The following FILIP1L variants were observed in gnomAD, a reference collection of about 807,000 sequenced individuals.
FILIP1L encodes filamin A-interacting protein 1-like.
A neutral mutation model predicts 96.6 loss-of-function variants in FILIP1L; 55 were observed. That is an observed-to-expected ratio of 0.57 (90% CI 0.46 to 0.71). FILIP1L has a LOEUF of 0.71. FILIP1L is among the 30% of genes least tolerant of loss of function. The pLI, the probability that FILIP1L is intolerant of heterozygous loss-of-function variation, is 0.00. For synonymous variants in FILIP1L, 467 were observed against 473.9 expected (o/e 0.99, Z 0.19); for missense variants, 1,304 against 1,321.2 (o/e 0.99, Z 0.20).
At chr3:99,924,507 G>A (rs1338739886) in intron 3 of FILIP1L, 99 bp from the exon 4 acceptor site, 5 of 1,221,874 alleles carry the variant, frequency 4.1e-6, no homozygotes, top group Non-Finnish European at 1.2e-6. Context: ...TTCGGCAGTG[G>A]GTTTTTTTGG....
intron 1 of FILIP1L, among the ~76,000 whole-genome samples, chr3:99,990,142 T>C (rs1709470628): frequency 6.6e-6 from 1 of 152,220 alleles, no homozygotes; most frequent in Non-Finnish European, 1.5e-5. Context: ...TGCCAGATAC[T>C]GCCTATGCTC....
chr3:99,849,435 T>C lies in FILIP1L; in HGVS notation c.2241A>G (p.Gln747=). The C allele has an allele frequency of 6.2e-7, 1 of 1,614,160 alleles. No individual in the cohort carries two copies. Among genetic ancestry groups the C allele is most frequent in the Non-Finnish European group, 8.5e-7 (1 of 1,180,020 alleles). Residue 747 remains glutamine (Q), a synonymous_variant, in exon 5 of 6, where the codon CAA becomes CAG. Transcript: ENST00000477258. ...TGTTTTCTTGTTGATTTAGTTTTTT[T>C]TGCAGGACTGAGTGATCTCCCTGGA... ...CHLQGDHSVL[Q]KKLNQQENRN...
chr3:100,109,525 T>C (rs1345529872), intron 1 of FILIP1L, among the ~76,000 whole-genome samples: 1 of 152,170 alleles, frequency 6.6e-6, no homozygotes, highest in African/African-American at 2.4e-5. Flanking sequence ...ATGTGTTTTC[T>C]GTCCCTATAG....
Position 99,920,345 on chromosome 3 carries a change from T to C in FILIP1L, c.605+3885A>G, listed in dbSNP as rs375169021. Among the ~76,000 whole-genome samples, 4 of 152,270 alleles carry C rather than the reference T, an allele frequency of 2.6e-5. No individual in the cohort carries two copies. In the East Asian group the frequency reaches 5.8e-4, roughly 22 times the overall value. On this transcript the variant is annotated intron_variant, in intron 4 of 5. Coordinates refer to ENST00000477258, the MANE Select transcript of FILIP1L (RefSeq NM_001387850.1). ...GCTTTTTTGAAAGTACAGACAAAAT[T>C]GGCATTTCACTTATGGGAAAATTTT... is the stretch of plus-strand genomic sequence containing the variant.
chr3:100,011,107 T>G (rs1233593267), intron 1 of FILIP1L, among the ~76,000 whole-genome samples: 3 of 152,170 alleles, frequency 2.0e-5, no homozygotes, highest in African/African-American at 7.2e-5. Context: ...CTTCTGATAT[T>G]AAGCACGACA....
At position 99,993,688 on chromosome 3, in the gene FILIP1L, G is replaced by A. The variant is rs117511807; in HGVS notation, c.-10-62658C>T. On this transcript the variant is annotated intron_variant, in intron 1 of 5. Coordinates refer to ENST00000477258, the MANE Select transcript of FILIP1L (RefSeq NM_001387850.1). The stretch of plus-strand genomic sequence containing the variant: ...TTTGTTGAGGATTTTTATCATAAAA[G>A]GATGCTGAATTTTATCAAATGCTTT... Among the ~76,000 whole-genome samples, 79 of 152,232 alleles carry A rather than the reference G, an allele frequency of 5.2e-4. 3 individuals are homozygous for A. In the East Asian group the frequency reaches 0.015, roughly 29 times the overall value.
chr3:99,956,915 C>T (rs1708336593), intron 1 of FILIP1L, among the ~76,000 whole-genome samples: 1 of 152,164 alleles, frequency 6.6e-6, no homozygotes, highest in Non-Finnish European at 1.5e-5. Flanking sequence ...TCTGCCCTCA[C>T]CAATGGCTTC....
intron 4 of FILIP1L, among the ~76,000 whole-genome samples, chr3:99,869,651 C>T (rs750139481): frequency 6.6e-6 from 1 of 152,160 alleles, no homozygotes; most frequent in South Asian, 2.1e-4. Flanking sequence ...CTGGACCAGG[C>T]AACTCCTTCC....
intron 1 of FILIP1L, among the ~76,000 whole-genome samples, chr3:100,023,871 C>T (rs2064871018): frequency 6.6e-6 from 1 of 152,154 alleles, no homozygotes; most frequent in African/African-American, 2.4e-5. Context: ...TAGTATTACT[C>T]ATCAAATAAT....
At chr3:100,018,892 C>A (rs963065846) in intron 1 of FILIP1L, among the ~76,000 whole-genome samples, 1 of 152,004 alleles carries the variant, frequency 6.6e-6, no homozygotes, top group Non-Finnish European at 1.5e-5. Context: ...GTCAAAGGCC[C>A]TGAATAGACA....
rs953304910 is a variant in FILIP1L at position 99,848,901 on chromosome 3, C to T, written c.2775G>A (p.Glu925=). ...ATLEITSPTT[E]SPHSYTSTAV... is the part of the protein sequence containing the mutation. ...CAGTACTCGTGTAAGAGTGAGGACT[C>T]TCTGTGGTTGGACTTGTGATTTCAA... Residue 925 remains glutamate, a synonymous_variant, in exon 5 of 6, where the codon GAG becomes GAA. Coordinates refer to ENST00000477258, the MANE Select transcript of FILIP1L (RefSeq NM_001387850.1). The T allele has an allele frequency of 6.8e-6, 11 of 1,614,020 alleles. No individual in the cohort carries two copies. The African/African-American group carries it at 1.3e-4, about 20-fold the overall frequency.
At chr3:99,866,547 G>A (rs912990661) in intron 4 of FILIP1L, among the ~76,000 whole-genome samples, 12 of 152,068 alleles carry the variant, frequency 7.9e-5, no homozygotes, top group African/African-American at 1.7e-4. Flanking sequence ...TTGGGTCCTC[G>A]ATTTTAGCTG....
chr3:100,076,178 T>G lies in FILIP1L; in HGVS notation c.-11+37875A>C, dbSNP rs184297350. On this transcript the variant is annotated intron_variant, in intron 1 of 5. Transcript: ENST00000477258. Reference sequence around the variant, plus strand: ...AAACCCTTAAAAATGTAAACAATAATTTTGATCAGAGTTAAGTACCTCTTT... The same window carrying G: ...AAACCCTTAAAAATGTAAACAATAAGTTTGATCAGAGTTAAGTACCTCTTT... Among the ~76,000 whole-genome samples, 287 of 152,326 alleles carry G rather than the reference T, an allele frequency of 1.9e-3. 2 individuals carry two copies. Among genetic ancestry groups the G allele is most frequent in the Admixed American group, 3.7e-3 (56 of 15,298 alleles).
chr3:99,961,342 A>G (rs1559704703), intron 1 of FILIP1L, among the ~76,000 whole-genome samples: 1 of 152,140 alleles, frequency 6.6e-6, no homozygotes, highest in Non-Finnish European at 1.5e-5. Flanking sequence ...CCAATACTCC[A>G]TGGGGTGGCA....
chr3:99,966,888 A>C lies in FILIP1L; in HGVS notation c.-10-35858T>G, dbSNP rs1385690648. Among the ~76,000 whole-genome samples the C allele has an allele frequency of 2.6e-5, 4 of 152,324 alleles. No homozygotes were observed. The East Asian group carries it at 7.7e-4, about 29-fold the overall frequency. The stretch of plus-strand genomic sequence containing the variant: ...ACTAACTCAAGCTGGCAGAACTCCG[A>C]GCAGCCTGGATTGTAAAGTCTGGGT... On this transcript the variant is annotated intron_variant, in intron 1 of 5. Coordinates refer to ENST00000477258, the MANE Select transcript of FILIP1L (RefSeq NM_001387850.1).
chr3:99,930,768 C>T lies in FILIP1L; in HGVS notation c.252+1G>A. The T allele has an allele frequency of 6.2e-7, 1 of 1,613,100 alleles. No homozygotes were observed. Among genetic ancestry groups the T allele is most frequent in the Non-Finnish European group, 8.5e-7 (1 of 1,179,658 alleles). ...ATGGGGATAACTCCAACCCAGCTGA[C>T]CTGCAGTTCTCCCTCCAGAATGCTG... On this transcript the variant is annotated splice_donor_variant, in intron 2 of 5. Transcript: ENST00000477258. LOFTEE classifies it high-confidence loss of function.
intron 4 of FILIP1L, among the ~76,000 whole-genome samples, chr3:99,922,020 A>G (rs531425465): frequency 6.6e-6 from 1 of 152,320 alleles, no homozygotes; most frequent in East Asian, 1.9e-4. Context: ...TACACAGTGA[A>G]TATCAGAACT....
At chr3:99,994,213 G>A (rs185936891) in intron 1 of FILIP1L, among the ~76,000 whole-genome samples, 1 of 152,220 alleles carries the variant, frequency 6.6e-6, no homozygotes, top group East Asian at 1.9e-4. Context: ...TAGGTTTTGT[G>A]TTTCCAGCAT....
At chr3:100,044,905 C>A (rs1468242614) in intron 1 of FILIP1L, among the ~76,000 whole-genome samples, 1 of 152,120 alleles carries the variant, frequency 6.6e-6, no homozygotes, top group South Asian at 2.1e-4. Flanking sequence ...GGTGACATTG[C>A]AGAATAGTAG....
Sources: allele counts gnomAD v4.1 joint callset (sites outside exome capture counted in the v4.1 genomes callset), GRCh38; gene constraint gnomAD v4.1.1; transcripts MANE v1.5; gene names NCBI Gene and HGNC (gene_info 2026-07-23, HGNC 2026-07-21).